The following ELOVL6 variants were observed in gnomAD, a reference collection of about 807,000 sequenced individuals.
ELOVL6 encodes ELOVL fatty acid elongase 6.
ELOVL6 carries 8 observed loss-of-function variants against 31.7 expected under a neutral mutation model. The observed-to-expected ratio is 0.25, with a 90% CI of 0.15 to 0.45. The LOEUF (loss-of-function observed/expected upper bound fraction) is 0.45, where lower values mean the gene tolerates loss of function less well. Ranked by LOEUF, ELOVL6 falls within the 20% of genes least tolerant of loss-of-function variation. The pLI is 1.00. For missense variants in ELOVL6, 126 were observed against 326.4 expected (o/e 0.39, Z 4.73); for synonymous variants, 101 against 117.7 (o/e 0.86, Z 0.92).
intron 2 of ELOVL6, among the ~76,000 whole-genome samples, chr4:110,071,622 C>A (rs62325296): frequency 6.6e-6 from 1 of 151,954 alleles, no homozygotes; most frequent in Non-Finnish European, 1.5e-5. Context: ...CTGGCTCCCC[C>A]TCTCCCGCCC....
chr4:110,159,720 T>G (rs778268163), intron 1 of ELOVL6, among the ~76,000 whole-genome samples: 33 of 152,196 alleles, frequency 2.2e-4, no homozygotes, highest in Admixed American at 6.6e-5. Flanking sequence ...TTACAGAGAA[T>G]GCAAAGTCAC....
At chr4:110,115,042 T>A (rs1757135793) in intron 1 of ELOVL6, among the ~76,000 whole-genome samples, 1 of 152,074 alleles carries the variant, frequency 6.6e-6, no homozygotes, top group African/African-American at 2.4e-5. Context: ...CCAAATCACC[T>A]CATAGACAGC....
chr4:110,198,001 ATATAATCTATATAAAAGATGCC>A, intron 1 of ELOVL6: 1 of 588,648 alleles, frequency 1.7e-6, no homozygotes. Context: ...GTTCTGTGTT[ATATAATCTATATAAAAGATGCC>A]TATGTAGCCG....
At chr4:110,128,953 G>A (rs892123238) in intron 1 of ELOVL6, among the ~76,000 whole-genome samples, 14 of 152,166 alleles carry the variant, frequency 9.2e-5, no homozygotes, top group Admixed American at 2.0e-4. Flanking sequence ...GTAGGTAACT[G>A]AGCTACTAAG....
intron 1 of ELOVL6, among the ~76,000 whole-genome samples, chr4:110,169,481 G>A (rs982452294): frequency 2.6e-5 from 4 of 151,814 alleles, no homozygotes; most frequent in Non-Finnish European, 5.9e-5. Context: ...GACCTCAGGT[G>A]ATCCACACAC....
intron 2 of ELOVL6, among the ~76,000 whole-genome samples, chr4:110,072,894 T>A (rs1755531272): frequency 6.6e-6 from 1 of 152,134 alleles, no homozygotes; most frequent in African/African-American, 2.4e-5. Flanking sequence ...CAGAGTCCTG[T>A]GAAATAAGGC....
At chr4:110,110,600 T>C (rs1005316153) in intron 1 of ELOVL6, among the ~76,000 whole-genome samples, 2 of 151,936 alleles carry the variant, frequency 1.3e-5, no homozygotes, top group South Asian at 2.1e-4. Flanking sequence ...CCCAGTATGC[T>C]GGCCAGACTG....
intron 3 of ELOVL6, among the ~76,000 whole-genome samples, chr4:110,052,381 C>G (rs1219518287): frequency 6.6e-6 from 1 of 152,144 alleles, no homozygotes; most frequent in African/African-American, 2.4e-5. Flanking sequence ...AAAAGTAAAA[C>G]CTAAACAAAA....
At chr4:110,113,227 C>CA (rs754003099) in intron 1 of ELOVL6, among the ~76,000 whole-genome samples, 35,486 of 107,254 alleles carry the variant, frequency 0.33, 5,432 homozygotes, top group Middle Eastern at 0.46. Flanking sequence ...GACTCCGTCT[C>CA]AAAAAAAAAA....
intron 2 of ELOVL6, among the ~76,000 whole-genome samples, chr4:110,083,944 A>ATCAT (rs1755973945): frequency 1.1e-4 from 1 of 9,276 alleles, no homozygotes; most frequent in Non-Finnish European, 2.1e-4. Flanking sequence ...AGATATATAT[A>ATCAT]ACATGTTATA....
chr4:110,093,047 T>C (rs1756469850), intron 2 of ELOVL6: 1 of 428,530 alleles, frequency 2.3e-6, no homozygotes, highest in African/African-American at 2.1e-5. Context: ...AAAAGAGCTA[T>C]GGTATTCCAG....
chr4:110,189,695 G>A (rs764998315), intron 1 of ELOVL6, among the ~76,000 whole-genome samples: 4 of 151,142 alleles, frequency 2.6e-5, no homozygotes, highest in Admixed American at 1.3e-4. Context: ...AGGGCTTGGC[G>A]CAGTGGCTCA....
At chr4:110,121,223 G>A (rs1757349081) in intron 1 of ELOVL6, among the ~76,000 whole-genome samples, 2 of 152,180 alleles carry the variant, frequency 1.3e-5, no homozygotes, top group South Asian at 2.1e-4. Context: ...TACTGATTTT[G>A]TCTTTGGAAA....
intron 1 of ELOVL6, among the ~76,000 whole-genome samples, chr4:110,125,317 T>C (rs908506715): frequency 8.5e-5 from 13 of 152,264 alleles, no homozygotes; most frequent in South Asian, 2.1e-4. Context: ...AGATAAGATA[T>C]TGTTGTTTCT....
rs1297972074 is a variant in ELOVL6, at chr4:110,084,049, CTATATATGATATATAACATATAT to C, written c.221+21425_221+21447del. Among the ~76,000 whole-genome samples, 3 of 8,044 alleles carry C rather than the reference CTATATATGATATATAACATATAT, an allele frequency of 3.7e-4. No individual in the cohort carries two copies. The Admixed American group carries it at 5.0e-3, about 13-fold the overall frequency. 5.3% of individuals were successfully genotyped at this position (8,044 alleles called of 152,430 possible). On this transcript the variant is annotated intron_variant, in intron 2 of 3. Transcript: ENST00000302274. ...TGCCATATATGGTATATAACACATG[CTATATATGATATATAACATATAT>C]ATGCTATATATGATATATAACATAT... is the stretch of plus-strand genomic sequence containing the variant.
chr4:110,064,595 C>T (rs185017930), intron 2 of ELOVL6, among the ~76,000 whole-genome samples: 248 of 152,148 alleles, frequency 1.6e-3, no homozygotes, highest in African/African-American at 5.7e-3. Context: ...TCCCAAGTAG[C>T]TAGGATTATA....
At chr4:110,147,946 C>T (rs904736704) in intron 1 of ELOVL6, among the ~76,000 whole-genome samples, 2 of 152,260 alleles carry the variant, frequency 1.3e-5, no homozygotes, top group African/African-American at 4.8e-5. Context: ...GAAACCCCAT[C>T]TCTACTAAAT....
At chr4:110,074,518 G>C (rs928016818) in intron 2 of ELOVL6, among the ~76,000 whole-genome samples, 1 of 152,120 alleles carries the variant, frequency 6.6e-6, no homozygotes, top group Admixed American at 6.5e-5. Flanking sequence ...GAAATTTTAA[G>C]ACCTGGAGAA....
intron 1 of ELOVL6, among the ~76,000 whole-genome samples, chr4:110,113,666 A>G (rs1362943369): frequency 6.6e-6 from 1 of 152,222 alleles, no homozygotes; most frequent in Non-Finnish European, 1.5e-5. Context: ...AATGATCTCT[A>G]TGATGAAAAA....
Sources: allele counts gnomAD v4.1 joint callset (sites outside exome capture counted in the v4.1 genomes callset), GRCh38; gene constraint gnomAD v4.1.1; transcripts MANE v1.5; gene names NCBI Gene and HGNC (gene_info 2026-07-23, HGNC 2026-07-21).